Variants in ADARB2 observed in about 807,000 individuals in gnomAD.
The protein encoded by ADARB2 is adenosine deaminase RNA specific B2 (inactive).
Under a neutral mutation model 62.2 loss-of-function variants are expected in ADARB2, and 25 were observed. The observed-to-expected ratio is 0.40, with a 90% CI of 0.29 to 0.56. The LOEUF is 0.56. ADARB2 is among the 20% of genes least tolerant of loss of function. The pLI is 0.43. For missense variants in ADARB2, 1,071 were observed against 1,077.4 expected (o/e 0.99, Z 0.08); for synonymous variants, 572 against 500.8 (o/e 1.14, Z -1.90).
At chr10:1,673,657 C>G (rs117505845) in intron 1 of ADARB2, among the ~76,000 whole-genome samples, 2 of 152,166 alleles carry the variant, frequency 1.3e-5, no homozygotes, top group Non-Finnish European at 2.9e-5. Context: ...ACGGGAACGT[C>G]GGATCATAAC....
chr10:1,683,233 G>A (rs1037412914), intron 1 of ADARB2, among the ~76,000 whole-genome samples: 2 of 152,032 alleles, frequency 1.3e-5, no homozygotes, highest in African/African-American at 4.8e-5. Flanking sequence ...CTTTTCCGAG[G>A]ATTTGGGCAT....
intron 1 of ADARB2, chr10:1,678,306 A>T: frequency 1.0e-6 from 1 of 984,126 alleles, no homozygotes; most frequent in African/African-American, 1.8e-5. Flanking sequence ...GAGCATCCTC[A>T]GGGTGAGCGT....
chr10:1,535,909 C>T (rs529296888), intron 1 of ADARB2, among the ~76,000 whole-genome samples: 17 of 152,284 alleles, frequency 1.1e-4, no homozygotes, highest in African/African-American at 3.4e-4. Flanking sequence ...TGGGGAGTGC[C>T]GCCCTCTCTC....
At chr10:1,187,906 ACATCT>A (rs773109261) in intron 8 of ADARB2, 17 of 375,534 alleles carry the variant, frequency 4.5e-5, no homozygotes, top group Non-Finnish European at 9.1e-5. Flanking sequence ...GCTGTAAATA[ACATCT>A]CAGCTCACCT....
intron 3 of ADARB2, among the ~76,000 whole-genome samples, chr10:1,358,409 G>A (rs1211599084): frequency 6.6e-6 from 1 of 152,180 alleles, no homozygotes; most frequent in East Asian, 1.9e-4. Flanking sequence ...ACTCTAGGCA[G>A]CTTCTCCCAG....
rs192083361 is a variant in ADARB2, at chr10:1,367,482, G to A, written c.188-3565C>T. On this transcript the variant is annotated intron_variant, in intron 2 of 9. Coordinates refer to ENST00000381312, the MANE Select transcript of ADARB2 (RefSeq NM_018702.4). ...TTTACAGTTGATGGCGGCAGAAACC[G>A]TTACCTTCTGAGGAGAAAGGGCTGA... Among the ~76,000 whole-genome samples, 250 of 152,306 alleles carry A rather than the reference G, an allele frequency of 1.6e-3. 1 individual carries two copies. The highest frequency in any genetic ancestry group is 5.9e-3 in the African/African-American group (244 of 41,556).
chr10:1,673,368 T>G (rs1834418661), intron 1 of ADARB2, among the ~76,000 whole-genome samples: 1 of 147,170 alleles, frequency 6.8e-6, no homozygotes, highest in South Asian at 2.2e-4. Context: ...AGAGGCACTT[T>G]GTAAGTGGGC....
intron 3 of ADARB2, among the ~76,000 whole-genome samples, chr10:1,332,647 G>T (rs1323822496): frequency 6.6e-6 from 1 of 152,124 alleles, no homozygotes; most frequent in Non-Finnish European, 1.5e-5. Flanking sequence ...ACATCAAAGA[G>T]AATTCCCCAT....
At chr10:1,475,104 A>C (rs1358320349) in intron 1 of ADARB2, among the ~76,000 whole-genome samples, 1 of 152,090 alleles carries the variant, frequency 6.6e-6, no homozygotes, top group African/African-American at 2.4e-5. Context: ...GTGAAGAGAA[A>C]TCAACGCGGC....
At chr10:1,440,108 G>A (rs1830886420) in intron 1 of ADARB2, among the ~76,000 whole-genome samples, 1 of 151,064 alleles carries the variant, frequency 6.6e-6, no homozygotes, top group Non-Finnish European at 1.5e-5. Context: ...GATGGAGGCA[G>A]GCTCCTCATG....
chr10:1,243,373 C>CGT (rs1160538185), intron 4 of ADARB2, among the ~76,000 whole-genome samples: 2 of 152,226 alleles, frequency 1.3e-5, no homozygotes, highest in African/African-American at 2.4e-5. Context: ...ATTAATGTCA[C>CGT]GCCAGAAGCA....
chr10:1,205,712 C>G (rs981021571), intron 7 of ADARB2, among the ~76,000 whole-genome samples: 5 of 152,290 alleles, frequency 3.3e-5, no homozygotes, highest in Non-Finnish European at 5.9e-5. Context: ...ACTGCTGGAG[C>G]AGAGACCTTG....
intron 1 of ADARB2, among the ~76,000 whole-genome samples, chr10:1,575,988 GT>G (rs1833008078): frequency 2.0e-5 from 3 of 147,664 alleles, no homozygotes; most frequent in African/African-American, 2.5e-5. Context: ...GGGGCTCAGG[GT>G]CACTAAAGGG....
chr10:1,568,705 G>A (rs962210310), intron 1 of ADARB2, among the ~76,000 whole-genome samples: 5 of 152,136 alleles, frequency 3.3e-5, no homozygotes, highest in Admixed American at 6.5e-5. Flanking sequence ...CCCTTGGACA[G>A]GTAAGCAGAT....
At chr10:1,733,668 G>T in intron 1 of ADARB2, among the ~76,000 whole-genome samples, 1 of 152,068 alleles carries the variant, frequency 6.6e-6, no homozygotes, top group Middle Eastern at 3.4e-3. Flanking sequence ...TTATTTTTTG[G>T]TTAAAGTGTA....
chr10:1,286,998 T>C (rs368732123), intron 3 of ADARB2, among the ~76,000 whole-genome samples: 94 of 152,360 alleles, frequency 6.2e-4, no homozygotes, highest in South Asian at 1.2e-3. Flanking sequence ...ATCCTTCAAA[T>C]TAAAGTAACC....
At chr10:1,603,614 A>ACTTTTGTG (rs1477086286) in intron 1 of ADARB2, among the ~76,000 whole-genome samples, 3 of 151,156 alleles carry the variant, frequency 2.0e-5, no homozygotes, top group African/African-American at 7.3e-5. Flanking sequence ...TGCCAGTTGC[A>ACTTTTGTG]CTTTTGTGGT....
intron 1 of ADARB2, among the ~76,000 whole-genome samples, chr10:1,609,198 C>T (rs1833536316): frequency 6.6e-6 from 1 of 152,234 alleles, no homozygotes; most frequent in South Asian, 2.1e-4. Context: ...GAATGTGCCG[C>T]AGGGCTGCTG....
At chr10:1,344,532 G>A (rs1832060732) in intron 3 of ADARB2, among the ~76,000 whole-genome samples, 1 of 152,212 alleles carries the variant, frequency 6.6e-6, no homozygotes, top group African/African-American at 2.4e-5. Context: ...GAGTATAAGA[G>A]GGGAGACGCC....
Sources: allele counts gnomAD v4.1 joint callset (sites outside exome capture counted in the v4.1 genomes callset), GRCh38; gene constraint gnomAD v4.1.1; transcripts MANE v1.5; gene names NCBI Gene and HGNC (gene_info 2026-07-23, HGNC 2026-07-21).